ZFAND3: variants seen among roughly 807,000 people sequenced by gnomAD.
ZFAND3 encodes the protein AN1-type zinc finger protein 3.
In ZFAND3, 10 loss-of-function variants were observed where a neutral mutation model predicts 29.6. The observed-to-expected ratio is 0.34, with a 90% CI of 0.21 to 0.57. ZFAND3 has a LOEUF of 0.57. ZFAND3 is among the 20% of genes least tolerant of loss of function. The pLI, the probability that ZFAND3 is intolerant of heterozygous loss-of-function variation, is 0.86. For missense variants in ZFAND3, 230 were observed against 304.5 expected, an observed-to-expected ratio of 0.76 and a Z score of 1.82; for synonymous variants, 128 against 112.6, an observed-to-expected ratio of 1.14 and a Z score of -0.87.
intron 1 of ZFAND3, among the ~76,000 whole-genome samples, chr6:37,891,989 A>G (rs967519055): frequency 3.3e-5 from 5 of 152,164 alleles, no homozygotes; most frequent in African/African-American, 1.2e-4. Context: ...TCGCCCTCCC[A>G]AAGTGCTGAG....
At chr6:37,943,400 A>AT (rs1465443381) in intron 2 of ZFAND3, among the ~76,000 whole-genome samples, 1 of 152,128 alleles carries the variant, frequency 6.6e-6, no homozygotes, top group African/African-American at 2.4e-5. Flanking sequence ...AGTCCAGGAG[A>AT]TTGAATTTTG....
intron 5 of ZFAND3, among the ~76,000 whole-genome samples, chr6:38,137,177 A>G (rs1213073154): frequency 6.6e-6 from 1 of 152,254 alleles, no homozygotes; most frequent in Admixed American, 6.5e-5. Flanking sequence ...TACCTCTAAG[A>G]GTGAGCTCAG....
intron 5 of ZFAND3, among the ~76,000 whole-genome samples, chr6:38,144,114 A>G (rs1228209707): frequency 7.4e-5 from 11 of 148,240 alleles, no homozygotes; most frequent in Admixed American, 2.0e-4. Context: ...CATATGAGCT[A>G]TGAGGTCAGT....
intron 5 of ZFAND3, among the ~76,000 whole-genome samples, chr6:38,135,962 CA>C (rs948549477): frequency 6.6e-6 from 1 of 151,804 alleles, no homozygotes; most frequent in African/African-American, 2.4e-5. Flanking sequence ...TTTTGAGAAA[CA>C]AAAATGGTCA....
At chr6:37,934,742 G>A (rs1482130583) in intron 2 of ZFAND3, among the ~76,000 whole-genome samples, 1 of 149,118 alleles carries the variant, frequency 6.7e-6, no homozygotes, top group African/African-American at 2.5e-5. Flanking sequence ...GGGAGGCTGA[G>A]GCAGGAGAAT....
chr6:37,954,575 C>T (rs758446741), intron 2 of ZFAND3, among the ~76,000 whole-genome samples: 3 of 151,438 alleles, frequency 2.0e-5, no homozygotes, highest in African/African-American at 4.8e-5. Flanking sequence ...ATAGTTATTC[C>T]GTATGTTTTA....
At chr6:37,852,301 A>T (rs751515191) in intron 1 of ZFAND3, among the ~76,000 whole-genome samples, 11 of 152,204 alleles carry the variant, frequency 7.2e-5, no homozygotes, top group Admixed American at 6.5e-5. Context: ...TGCTAATGGC[A>T]TCTATTCAGT....
chr6:38,153,436 T>C lies in ZFAND3; in HGVS notation c.*1047T>C, dbSNP rs1427096459. On this transcript the variant is annotated 3_prime_UTR_variant, in exon 6 of 6. Transcript: ENST00000287218. ...CCATTCTCGTTTCTATGCAGCCCCA[T>C]AGTCCAAGGACACCCAGTCCACATC... 8.1e-6 allele frequency: 8 copies of C among 985,388 alleles called. No individual in the cohort carries two copies. The highest frequency in any genetic ancestry group is 9.6e-6 in the Non-Finnish European group (8 of 830,014). 61.0% of individuals were successfully genotyped at this position (985,388 alleles called of 1,614,324 possible). A position where few individuals can be genotyped will look rare whatever the true frequency, so the allele number is the denominator to read the frequency against.
At chr6:37,830,588 C>T (rs1422588212) in intron 1 of ZFAND3, among the ~76,000 whole-genome samples, 1 of 152,196 alleles carries the variant, frequency 6.6e-6, no homozygotes, top group Non-Finnish European at 1.5e-5. Context: ...AACCCACGGG[C>T]TCTTCTGCTA....
chr6:38,052,079 G>A (rs892992427), intron 2 of ZFAND3, among the ~76,000 whole-genome samples: 2 of 152,190 alleles, frequency 1.3e-5, no homozygotes, highest in African/African-American at 4.8e-5. Context: ...AGATTATAAA[G>A]TAAGTTTAAT....
chr6:38,152,493 G>A lies in ZFAND3; in HGVS notation c.*104G>A, dbSNP rs1766249567. 1.4e-6 allele frequency: 2 copies of A among 1,384,416 alleles called. No homozygotes were observed. Among genetic ancestry groups the A allele is most frequent in the Non-Finnish European group, 1.9e-6 (2 of 1,067,668 alleles). 85.8% of individuals were successfully genotyped at this position (1,384,416 alleles called of 1,614,324 possible). The stretch of plus-strand genomic sequence containing the variant: ...CCTTGTACTGGGCACGCGTCAGACT[G>A]CAGCCAGTCCGTTTCCTTTCTTTAG... On this transcript the variant is annotated 3_prime_UTR_variant, in exon 6 of 6. Transcript: ENST00000287218.
intron 4 of ZFAND3, among the ~76,000 whole-genome samples, chr6:38,109,108 G>A (rs1463232473): frequency 6.6e-6 from 1 of 151,372 alleles, no homozygotes; most frequent in Admixed American, 6.6e-5. Flanking sequence ...AAAATGGAAG[G>A]CATACAGATT....
At chr6:38,058,690 T>C (rs552307178) in intron 2 of ZFAND3, among the ~76,000 whole-genome samples, 1 of 152,304 alleles carries the variant, frequency 6.6e-6, no homozygotes, top group Admixed American at 6.5e-5. Flanking sequence ...CCTGTGGTTG[T>C]GATTGAAGAC....
At chr6:38,148,382 A>G (rs1766152548) in intron 5 of ZFAND3, among the ~76,000 whole-genome samples, 1 of 152,242 alleles carries the variant, frequency 6.6e-6, no homozygotes, top group East Asian at 1.9e-4. Flanking sequence ...GTAGTTCAGC[A>G]GGTCAGTTCT....
intron 2 of ZFAND3, among the ~76,000 whole-genome samples, chr6:38,005,715 G>A (rs1453395565): frequency 6.6e-6 from 1 of 152,186 alleles, no homozygotes; most frequent in Non-Finnish European, 1.5e-5. Flanking sequence ...GACTTGCCAA[G>A]AGAAATCTTA....
At chr6:37,895,459 CTTTTTTTT>C (rs11331881) in intron 1 of ZFAND3, among the ~76,000 whole-genome samples, 1 of 76,772 alleles carries the variant, frequency 1.3e-5, no homozygotes, top group Non-Finnish European at 2.4e-5. Context: ...CTCAGAGGTT[CTTTTTTTT>C]TTTTTTTTTT....
chr6:37,930,048 T>G (rs778845494), intron 2 of ZFAND3, 49 bp downstream of exon 2: 6 of 1,487,922 alleles, frequency 4.0e-6, no homozygotes, highest in South Asian at 1.3e-5. Flanking sequence ...TTTCTTTCTT[T>G]TTTTTTTTTT....
intron 2 of ZFAND3, among the ~76,000 whole-genome samples, chr6:38,031,963 C>G (rs925248904): frequency 6.6e-6 from 1 of 151,934 alleles, no homozygotes; most frequent in Admixed American, 6.6e-5. Context: ...TCCCAAGTAG[C>G]TGGGACTACA....
intron 1 of ZFAND3, among the ~76,000 whole-genome samples, chr6:37,833,566 T>C (rs1161595384): frequency 1.3e-5 from 2 of 152,194 alleles, no homozygotes; most frequent in Non-Finnish European, 2.9e-5. Flanking sequence ...GGCTCACACC[T>C]GTCATCCCAG....
Sources: allele counts gnomAD v4.1 joint callset (sites outside exome capture counted in the v4.1 genomes callset), GRCh38; gene constraint gnomAD v4.1.1; transcripts MANE v1.5; gene names NCBI Gene and HGNC (gene_info 2026-07-23, HGNC 2026-07-21).